The following RASAL2 variants were observed in gnomAD, a reference collection of about 807,000 sequenced individuals.
RASAL2 encodes ras GTPase-activating protein nGAP.
A neutral mutation model predicts 128.9 loss-of-function variants in RASAL2; 58 were observed. The ratio of observed to expected loss-of-function variants is 0.45; its 90% CI spans 0.36 to 0.56. RASAL2 has a LOEUF of 0.56. Ranked by LOEUF, RASAL2 falls within the 20% of genes least tolerant of loss-of-function variation. RASAL2 has a pLI of 0.00. For missense variants in RASAL2, 1,360 were observed against 1,601.6 expected, an observed-to-expected ratio of 0.85 and a Z score of 2.57; for synonymous variants, 561 against 580.8, an observed-to-expected ratio of 0.97 and a Z score of 0.49.
chr1:178,242,112 C>G (rs759740186), intron 1 of RASAL2, among the ~76,000 whole-genome samples: 1 of 152,130 alleles, frequency 6.6e-6, no homozygotes, highest in Non-Finnish European at 1.5e-5. Flanking sequence ...TATGTGACAT[C>G]ACAGTTTATT....
chr1:178,128,911 C>T (rs1659996949), intron 1 of RASAL2, among the ~76,000 whole-genome samples: 1 of 151,900 alleles, frequency 6.6e-6, no homozygotes, highest in Non-Finnish European at 1.5e-5. Context: ...ATATACCATA[C>T]TTTGTTTATT....
At chr1:178,274,333 C>T (rs1199885920) in intron 1 of RASAL2, among the ~76,000 whole-genome samples, 1 of 152,124 alleles carries the variant, frequency 6.6e-6, no homozygotes, top group Non-Finnish European at 1.5e-5. Flanking sequence ...TTTTCCCACA[C>T]CAGCTGCCCC....
intron 1 of RASAL2, among the ~76,000 whole-genome samples, chr1:178,232,255 G>A (rs1302886073): frequency 6.6e-6 from 1 of 152,090 alleles, no homozygotes; most frequent in Non-Finnish European, 1.5e-5. Context: ...CAAAAACTTG[G>A]CATTCATGAT....
chr1:178,419,294 G>A (rs763518910), intron 4 of RASAL2, among the ~76,000 whole-genome samples: 1 of 151,856 alleles, frequency 6.6e-6, no homozygotes. Context: ...TTGTTTTTGG[G>A]TTAGGGTTTC....
At chr1:178,456,088 T>C (rs967232356) in intron 12 of RASAL2, among the ~76,000 whole-genome samples, 1 of 152,226 alleles carries the variant, frequency 6.6e-6, no homozygotes, top group African/African-American at 2.4e-5. Context: ...TTTACCTGAT[T>C]TTGCTGTTAA....
At chr1:178,408,612 G>GTTTTTTTTTTT (rs756656921) in intron 4 of RASAL2, among the ~76,000 whole-genome samples, 3 of 142,544 alleles carry the variant, frequency 2.1e-5, no homozygotes, top group African/African-American at 8.6e-5. Context: ...GTTTTTTTTT[G>GTTTTTTTTTTT]TTTTTTGTTT....
intron 1 of RASAL2, among the ~76,000 whole-genome samples, chr1:178,219,973 T>C (rs1571650653): frequency 6.6e-6 from 1 of 152,198 alleles, no homozygotes; most frequent in East Asian, 1.9e-4. Flanking sequence ...CTCTCAGTAA[T>C]GAGTGAGTTC....
chr1:178,297,298 A>T (rs574217657), intron 2 of RASAL2, among the ~76,000 whole-genome samples: 3 of 152,124 alleles, frequency 2.0e-5, no homozygotes, highest in Admixed American at 6.6e-5. Context: ...ATATCTTTTT[A>T]AAAAATATTT....
intron 1 of RASAL2, among the ~76,000 whole-genome samples, chr1:178,193,366 T>C (rs933457590): frequency 2.0e-5 from 3 of 152,196 alleles, no homozygotes; most frequent in Non-Finnish European, 4.4e-5. Flanking sequence ...TTTTTCTGAT[T>C]GGAAAATTAT....
At chr1:178,371,255 T>C (rs1198630125) in intron 3 of RASAL2, among the ~76,000 whole-genome samples, 2 of 151,776 alleles carry the variant, frequency 1.3e-5, no homozygotes, top group Non-Finnish European at 2.9e-5. Context: ...AGTCATTCTC[T>C]ATGTTGATCT....
chr1:178,102,910 T>C (rs1442766723), intron 1 of RASAL2, among the ~76,000 whole-genome samples: 1 of 152,164 alleles, frequency 6.6e-6, no homozygotes. Context: ...TAGAGATAGA[T>C]AGATATGTAA....
chr1:178,132,118 G>A (rs1660140936), intron 1 of RASAL2, among the ~76,000 whole-genome samples: 1 of 151,568 alleles, frequency 6.6e-6, no homozygotes, highest in African/African-American at 2.4e-5. Flanking sequence ...ACACTGGAGT[G>A]TAGCCTCAAA....
At chr1:178,145,185 A>C (rs559280232) in intron 1 of RASAL2, among the ~76,000 whole-genome samples, 45 of 152,262 alleles carry the variant, frequency 3.0e-4, no homozygotes, top group Admixed American at 8.5e-4. Flanking sequence ...GTTTAGAAAC[A>C]TATATCACAT....
At chr1:178,165,998 A>T (rs921720716) in intron 1 of RASAL2, among the ~76,000 whole-genome samples, 2 of 152,108 alleles carry the variant, frequency 1.3e-5, no homozygotes, top group Non-Finnish European at 2.9e-5. Context: ...GTGCACATAC[A>T]TACTCACCAA....
intron 1 of RASAL2, among the ~76,000 whole-genome samples, chr1:178,255,078 A>C (rs1054664663): frequency 6.6e-6 from 1 of 152,194 alleles, no homozygotes; most frequent in African/African-American, 2.4e-5. Context: ...CAAACATCTT[A>C]TGTCTAACAA....
At chr1:178,250,313 C>A (rs745421844) in intron 1 of RASAL2, among the ~76,000 whole-genome samples, 111 of 152,226 alleles carry the variant, frequency 7.3e-4, no homozygotes, top group Admixed American at 2.4e-3. Flanking sequence ...CAGGCCACAG[C>A]CACATTGCTG....
intron 4 of RASAL2, among the ~76,000 whole-genome samples, chr1:178,398,707 T>G (rs898316396): frequency 6.6e-6 from 1 of 152,200 alleles, no homozygotes; most frequent in Non-Finnish European, 1.5e-5. Context: ...TAAAAAATTT[T>G]CCCTTGAATT....
intron 1 of RASAL2, among the ~76,000 whole-genome samples, chr1:178,101,757 A>G (rs1317298931): frequency 6.6e-6 from 1 of 152,148 alleles, no homozygotes; most frequent in Non-Finnish European, 1.5e-5. Context: ...CAGGATTGGA[A>G]CTCTTAACCT....
In RASAL2 at chr1:178,208,516, T is replaced by C. The variant is rs1663136746; in HGVS notation, c.203-75048T>C. ...AGTAAATTTGTGATCAGACCAGTTC[T>C]CTGCTCTCGAACCCTGTTCTCCGTT... On this transcript the variant is annotated intron_variant, in intron 1 of 17. Coordinates refer to ENST00000367649, the MANE Select transcript of RASAL2 (RefSeq NM_170692.4). Among the ~76,000 whole-genome samples the C allele has an allele frequency of 2.0e-5, 3 of 152,178 alleles. No homozygotes were observed. The South Asian group carries it at 6.2e-4, about 31-fold the overall frequency.
Sources: allele counts gnomAD v4.1 joint callset (sites outside exome capture counted in the v4.1 genomes callset), GRCh38; gene constraint gnomAD v4.1.1; transcripts MANE v1.5; gene names NCBI Gene and HGNC (gene_info 2026-07-23, HGNC 2026-07-21).